The following EYS variants were observed in gnomAD, a reference collection of about 807,000 sequenced individuals.
EYS encodes protein eyes shut homolog.
Under a neutral mutation model 282.1 loss-of-function variants are expected in EYS, and 250 were observed. The observed-to-expected ratio is 0.89, with a 90% confidence interval of 0.80 to 0.98. The LOEUF (loss-of-function observed/expected upper bound fraction) is 0.98. Ranked by LOEUF, EYS falls within the 50% of genes least tolerant of loss-of-function variation. The pLI, the probability that EYS is intolerant of heterozygous loss-of-function variation, is 0.00. For missense variants in EYS, 4,016 were observed against 3,709.0 expected, an observed-to-expected ratio of 1.08 and a Z score of -2.15; for synonymous variants, 1,355 against 1,282.9, an observed-to-expected ratio of 1.06 and a Z score of -1.20.
chr6:64,718,901 G>C (rs188488338), intron 22 of EYS, among the ~76,000 whole-genome samples: 1 of 152,288 alleles, frequency 6.6e-6, no homozygotes, highest in East Asian at 1.9e-4. Context: ...GTGTTACACG[G>C]AAAAGTGGAC....
chr6:64,154,153 T>G, intron 31 of EYS, among the ~76,000 whole-genome samples: 1 of 152,058 alleles, frequency 6.6e-6, no homozygotes, highest in Non-Finnish European at 1.5e-5. Flanking sequence ...GATTTGAAAA[T>G]TGCCAGGCTG....
At chr6:64,635,855 A>G (rs1242114506) in intron 22 of EYS, among the ~76,000 whole-genome samples, 1 of 152,090 alleles carries the variant, frequency 6.6e-6, no homozygotes, top group East Asian at 1.9e-4. Flanking sequence ...GTTAGGGAGG[A>G]TTCCCGCTTT....
At chr6:65,162,489 A>G (rs1764873194) in intron 12 of EYS, among the ~76,000 whole-genome samples, 1 of 151,186 alleles carries the variant, frequency 6.6e-6, no homozygotes, top group African/African-American at 2.4e-5. Context: ...GTAAGTCTAC[A>G]TTTTGATATT....
At chr6:65,137,309 C>A (rs148776031) in intron 12 of EYS, among the ~76,000 whole-genome samples, 5 of 151,998 alleles carry the variant, frequency 3.3e-5, no homozygotes, top group Admixed American at 2.6e-4. Flanking sequence ...AGAAGCAGTG[C>A]GGAAAGACCA....
At chr6:65,025,051 A>C (rs1358324799) in intron 13 of EYS, among the ~76,000 whole-genome samples, 1 of 152,236 alleles carries the variant, frequency 6.6e-6, no homozygotes, top group Admixed American at 6.5e-5. Flanking sequence ...CTATATTTTG[A>C]GAAATGCTAA....
At position 64,053,746 on chromosome 6, in the gene EYS, G is replaced by GA. The variant is rs1207407919; in HGVS notation, c.6725+12591dup. Among the ~76,000 whole-genome samples the GA allele has an allele frequency of 9.2e-5, 14 of 152,192 alleles. No individual in the cohort carries two copies. The East Asian group carries it at 2.5e-3, about 27-fold the overall frequency. On this transcript the variant is annotated intron_variant, in intron 33 of 42. Coordinates refer to ENST00000503581, the MANE Select transcript of EYS (RefSeq NM_001142800.2). ...AATATAATTTAGGCATTTTCTTTAA[G>GA]AAAAAACTTAGAATGAACAGCCTCT... is the stretch of plus-strand genomic sequence containing the variant.
chr6:65,062,166 C>T (rs144358965), intron 12 of EYS, among the ~76,000 whole-genome samples: 2,145 of 151,974 alleles, frequency 0.014, 24 homozygotes, highest in Non-Finnish European at 0.018. Context: ...GCTTCAATGC[C>T]TAATTAAATA....
At chr6:65,188,100 T>C (rs1765555694) in intron 12 of EYS, among the ~76,000 whole-genome samples, 2 of 151,696 alleles carry the variant, frequency 1.3e-5, no homozygotes, top group Non-Finnish European at 3.0e-5. Context: ...TAAATCATAG[T>C]GAAAGGTTAA....
chr6:65,444,775 T>A (rs1768588519), intron 5 of EYS, among the ~76,000 whole-genome samples: 1 of 152,088 alleles, frequency 6.6e-6, no homozygotes, highest in Non-Finnish European at 1.5e-5. Context: ...TAACAGGTCA[T>A]CTTTACAAAT....
chr6:63,907,987 T>TACACACACAC (rs60426309), intron 35 of EYS, among the ~76,000 whole-genome samples: 11 of 105,900 alleles, frequency 1.0e-4, no homozygotes, highest in African/African-American at 2.9e-4. Context: ...TGTATATATG[T>TACACACACAC]ACACACACAC....
chr6:65,421,204 A>G (rs1767443457), intron 5 of EYS, among the ~76,000 whole-genome samples: 1 of 151,738 alleles, frequency 6.6e-6, no homozygotes, highest in Non-Finnish European at 1.5e-5. Flanking sequence ...TTTCACATTG[A>G]AAATATGTTG....
At chr6:65,097,543 G>A (rs1389492510) in intron 12 of EYS, among the ~76,000 whole-genome samples, 1 of 150,822 alleles carries the variant, frequency 6.6e-6, no homozygotes, top group Non-Finnish European at 1.5e-5. Flanking sequence ...AAATAGCTGT[G>A]CTCTCATGTT....
At chr6:64,742,526 G>C (rs1583103830) in intron 22 of EYS, among the ~76,000 whole-genome samples, 1 of 152,178 alleles carries the variant, frequency 6.6e-6, no homozygotes, top group South Asian at 2.1e-4. Flanking sequence ...GATGAAGTTT[G>C]ACTGTACTTA....
chr6:64,962,159 C>T (rs761161095), intron 14 of EYS, among the ~76,000 whole-genome samples: 7 of 152,190 alleles, frequency 4.6e-5, no homozygotes, highest in East Asian at 1.9e-4. Context: ...CAGTATTTCT[C>T]GGTTAGCACA....
At chr6:63,910,176 G>A (rs1056572905) in intron 35 of EYS, among the ~76,000 whole-genome samples, 3 of 152,112 alleles carry the variant, frequency 2.0e-5, no homozygotes, top group African/African-American at 7.2e-5. Flanking sequence ...GCAATAGCAG[G>A]AATATTTTGC....
intron 33 of EYS, among the ~76,000 whole-genome samples, chr6:64,049,387 C>G (rs1265852199): frequency 1.3e-5 from 2 of 152,144 alleles, no homozygotes; most frequent in Non-Finnish European, 2.9e-5. Context: ...TCACTGTATG[C>G]TAAGGCATAC....
At chr6:64,649,342 G>A (rs1031637976) in intron 22 of EYS, among the ~76,000 whole-genome samples, 1 of 93,998 alleles carries the variant, frequency 1.1e-5, no homozygotes, top group Admixed American at 1.1e-4. Context: ...TTCTATAACT[G>A]CCTTTTTTTT....
chr6:63,970,954 G>A (rs1271666739), intron 35 of EYS, among the ~76,000 whole-genome samples: 1 of 152,176 alleles, frequency 6.6e-6, no homozygotes, highest in Admixed American at 6.5e-5. Context: ...ATAGTAAGAT[G>A]CCAACAGTAA....
intron 9 of EYS, among the ~76,000 whole-genome samples, chr6:65,348,879 T>C (rs1215097619): frequency 2.0e-5 from 3 of 151,756 alleles, no homozygotes; most frequent in Non-Finnish European, 4.4e-5. Context: ...CCATTTTGAT[T>C]TGCTTTTTGT....
Sources: allele counts gnomAD v4.1 joint callset (sites outside exome capture counted in the v4.1 genomes callset), GRCh38; gene constraint gnomAD v4.1.1; transcripts MANE v1.5; gene names NCBI Gene and HGNC (gene_info 2026-07-23, HGNC 2026-07-21).